DAB1: variants seen among roughly 807,000 people sequenced by gnomAD.
DAB1 encodes the protein disabled homolog 1.
In DAB1, 15 loss-of-function variants were observed where a neutral mutation model predicts 64.6. That is an observed-to-expected ratio of 0.23 (90% CI 0.16 to 0.36). The LOEUF is 0.36. DAB1 is among the 10% of genes least tolerant of loss of function. DAB1 has a pLI of 1.00. For missense variants in DAB1, 596 were observed against 706.7 expected (o/e 0.84, Z 1.78); for synonymous variants, 235 against 251.9 (o/e 0.93, Z 0.64).
chr1:58,534,208 A>G (rs372804595), intron 1 of DAB1: 3 of 871,876 alleles, frequency 3.4e-6, no homozygotes, highest in Non-Finnish European at 6.0e-6. Context: ...TGAATAACCC[A>G]ATTGATCTGA....
chr1:58,483,159 C>T (rs1645517796), intron 3 of DAB1, among the ~76,000 whole-genome samples: 1 of 152,136 alleles, frequency 6.6e-6, no homozygotes, highest in Non-Finnish European at 1.5e-5. Context: ...ACTAGCCTGC[C>T]ATCTGCCCCC....
chr1:58,481,183 A>C lies in DAB1; in HGVS notation n.257+24877T>G, dbSNP rs150425165. The C allele has an allele frequency of 4.8e-3, 3,764 of 781,124 alleles. 18 individuals carry two copies. The highest frequency in any genetic ancestry group is 5.9e-3 in the Non-Finnish European group (2,721 of 460,308). 48.4% of individuals were successfully genotyped at this position (781,124 alleles called of 1,614,324 possible). On this transcript the variant is annotated intron_variant and non_coding_transcript_variant, in intron 3 of 20. Transcript: ENST00000485760. ...TCTCTAATTTTGAGAGCCTATAAAG[A>C]AATAATAAAATAAAAAAATACTATA...
chr1:57,042,701 A>T (rs1046412229), intron 9 of DAB1, among the ~76,000 whole-genome samples: 17 of 152,224 alleles, frequency 1.1e-4, no homozygotes, highest in African/African-American at 4.1e-4. Context: ...GAATAAATGG[A>T]TGAACTTCTT....
intron 4 of DAB1, among the ~76,000 whole-genome samples, chr1:58,191,401 A>G (rs765905138): frequency 2.6e-5 from 4 of 152,210 alleles, no homozygotes; most frequent in East Asian, 3.9e-4. Flanking sequence ...CTTTTTTTCA[A>G]TCGGAATCCC....
At chr1:58,375,227 A>G (rs1206080114) in intron 3 of DAB1, among the ~76,000 whole-genome samples, 2 of 146,238 alleles carry the variant, frequency 1.4e-5, no homozygotes, top group Non-Finnish European at 3.0e-5. Flanking sequence ...GTTGAATAGG[A>G]GCGGTGAGAG....
At chr1:57,671,353 T>C (rs1012332017) in intron 6 of DAB1, among the ~76,000 whole-genome samples, 1 of 152,206 alleles carries the variant, frequency 6.6e-6, no homozygotes, top group Non-Finnish European at 1.5e-5. Context: ...AATGCAACCA[T>C]TAAAAAATGG....
At chr1:58,447,857 CA>C (rs67071278) in intron 3 of DAB1, among the ~76,000 whole-genome samples, 19 of 43,958 alleles carry the variant, frequency 4.3e-4, no homozygotes, top group Non-Finnish European at 4.9e-4. Flanking sequence ...ATGACTTAAA[CA>C]AAAAAAAAAA....
Position 57,661,525 on chromosome 1 carries a change from C to T in DAB1, n.552-11860G>A, listed in dbSNP as rs1646386276. On this transcript the variant is annotated intron_variant and non_coding_transcript_variant, in intron 6 of 20. Coordinates refer to the DAB1 transcript ENST00000485760. Reference sequence around the variant, plus strand: ...AAGGGGTCTTTGAATCTCTCTTGTGCAGCCCTTAGCTTGTCTTGGAAGTCA... The same window carrying T: ...AAGGGGTCTTTGAATCTCTCTTGTGTAGCCCTTAGCTTGTCTTGGAAGTCA... Among the ~76,000 whole-genome samples, 3 of 152,130 alleles carry T rather than the reference C, an allele frequency of 2.0e-5. No homozygotes were observed. In the South Asian group the frequency reaches 6.2e-4, roughly 31 times the overall value.
intron 1 of DAB1, among the ~76,000 whole-genome samples, chr1:57,312,153 C>T (rs11207005): frequency 0.35 from 52,938 of 152,096 alleles, 9,875 homozygotes; most frequent in South Asian, 0.51. Context: ...CCCCACAACA[C>T]GACCCCAGCC....
At chr1:57,051,485 T>C (rs953740753) in intron 9 of DAB1, among the ~76,000 whole-genome samples, 1 of 152,194 alleles carries the variant, frequency 6.6e-6, no homozygotes, top group Non-Finnish European at 1.5e-5. Flanking sequence ...CAGAGAATTC[T>C]TGCAATTCTT....
At chr1:58,134,495 C>T (rs776974619) in intron 5 of DAB1, among the ~76,000 whole-genome samples, 1 of 151,872 alleles carries the variant, frequency 6.6e-6, no homozygotes, top group Non-Finnish European at 1.5e-5. Flanking sequence ...AAAGACAAAA[C>T]TGAGACTGGG....
At position 57,053,688 on chromosome 1, in the gene DAB1, A is replaced by ATATATAT. The variant is rs1447741565; in HGVS notation, c.723+9195_723+9196insATATATA. Among the ~76,000 whole-genome samples the ATATATAT allele has an allele frequency of 5.8e-3, 415 of 71,412 alleles. 4 individuals carry two copies. The highest frequency in any genetic ancestry group is 8.6e-3 in the Non-Finnish European group (339 of 39,198). 46.8% of individuals were successfully genotyped at this position (71,412 alleles called of 152,430 possible). On this transcript the variant is annotated intron_variant, in intron 9 of 14. Transcript: ENST00000371236. ...TATGTATATATATATATATATATAT[A>ATATATAT]TTTTTTTTTTTTTTTTTGAGACGGA... is the stretch of plus-strand genomic sequence containing the variant.
intron 3 of DAB1, among the ~76,000 whole-genome samples, chr1:58,415,704 C>T (rs558192023): frequency 1.2e-4 from 18 of 152,324 alleles, no homozygotes; most frequent in Admixed American, 3.9e-4. Context: ...GAGTGTCAAC[C>T]GTGTGTCAGG....
intron 7 of DAB1, among the ~76,000 whole-genome samples, chr1:57,600,942 G>A (rs572845710): frequency 2.0e-5 from 3 of 152,154 alleles, no homozygotes; most frequent in South Asian, 2.1e-4. Context: ...GTTAAACAAG[G>A]CTGTGGGTAT....
At chr1:57,701,977 T>C (rs1646913623) in intron 6 of DAB1, among the ~76,000 whole-genome samples, 1 of 152,218 alleles carries the variant, frequency 6.6e-6, no homozygotes, top group Non-Finnish European at 1.5e-5. Context: ...AGAGCTTACA[T>C]ATTGCCATCT....
intron 4 of DAB1, among the ~76,000 whole-genome samples, chr1:58,246,058 T>G (rs948781856): frequency 6.6e-6 from 1 of 152,088 alleles, no homozygotes; most frequent in Non-Finnish European, 1.5e-5. Context: ...GGGGAAGGGG[T>G]TGTCACTTTT....
At chr1:57,014,771 A>C in intron 12 of DAB1, 112 bp downstream of exon 12, 1 of 820,894 alleles carries the variant, frequency 1.2e-6, no homozygotes, top group East Asian at 2.8e-5. Flanking sequence ...TAATATAAAC[A>C]AAGAAGCCTG....
chr1:57,220,762 G>C (rs533427691), intron 2 of DAB1, among the ~76,000 whole-genome samples: 17 of 152,350 alleles, frequency 1.1e-4, no homozygotes, highest in African/African-American at 3.6e-4. Flanking sequence ...ACAGGTGCTG[G>C]AGAGGATGTG....
intron 1 of DAB1, among the ~76,000 whole-genome samples, chr1:57,335,979 G>C (rs1346719161): frequency 2.6e-5 from 4 of 152,106 alleles, no homozygotes; most frequent in African/African-American, 9.7e-5. Context: ...TCTGCAAGTA[G>C]AAAAACCAAA....
Sources: gnomAD v4.1 joint callset for allele counts (sites outside exome capture counted in the v4.1 genomes callset) on GRCh38, gnomAD v4.1.1 for gene constraint, MANE v1.5 for transcripts, NCBI Gene and HGNC (gene_info 2026-07-23, HGNC 2026-07-21) for gene names.